ADAMTS2: variants seen among roughly 807,000 people sequenced by gnomAD.
ADAMTS2 encodes the protein ADAM metallopeptidase with thrombospondin type 1 motif 2, also known as A disintegrin and metalloproteinase with thrombospondin motifs 2.
ADAMTS2 carries 50 observed loss-of-function variants against 123.0 expected under a neutral mutation model. The ratio of observed to expected loss-of-function variants is 0.41; its 90% CI spans 0.32 to 0.51. The LOEUF is 0.51. Among genes scored for constraint, ADAMTS2 ranks in the 20% least tolerant of loss-of-function variants. The probability of loss-of-function intolerance (pLI) is 0.35; values close to 1 mark genes in which losing one functional copy is unlikely to be tolerated. For synonymous variants in ADAMTS2, 678 were observed against 695.4 expected (o/e 0.98, Z 0.39); for missense variants, 1,494 against 1,705.2 (o/e 0.88, Z 2.18).
chr5:179,128,162 T>C lies in ADAMTS2; in HGVS notation c.2458-44A>G, dbSNP rs1762894248. ...CTTGATGTGCCTGACCTGCCCTCCA[T>C]GCTTCCTCCCCAGCCAGCTTAGGAA... On this transcript the variant is annotated intron_variant, in intron 16 of 21. Transcript: ENST00000251582. This position sits in a 1 kb window ranked among gnomAD's most constrained non-coding sequence, Gnocchi z 4.9. 1 of 1,608,370 alleles carries C rather than the reference T, an allele frequency of 6.2e-7. No individual in the cohort carries two copies. The highest frequency in any genetic ancestry group is 1.3e-5 in the African/African-American group (1 of 74,996).
rs1290985047 is a variant in ADAMTS2 at position 179,114,324 on chromosome 5, TC to T, written c.3179-1del. On this transcript the variant is annotated splice_acceptor_variant, in intron 21 of 21. Transcript: ENST00000251582. LOFTEE classifies it high-confidence loss of function. ...TGACTTGTCGCCTTGGCAGTGGCCC[TC>T]TGAAAAAGAAAAGTGGGACAAATAA... The T allele has an allele frequency of 6.2e-7, 1 of 1,612,852 alleles. No homozygotes were observed. Among genetic ancestry groups the T allele is most frequent in the Non-Finnish European group, 8.5e-7 (1 of 1,179,660 alleles).
chr5:179,146,541 A>G (rs548970490), intron 10 of ADAMTS2, among the ~76,000 whole-genome samples: 2 of 152,344 alleles, frequency 1.3e-5, no homozygotes, highest in East Asian at 3.9e-4. Flanking sequence ...GATGTTGTCA[A>G]CATTTCATGG....
rs866196797 is a variant in ADAMTS2 at position 179,245,698 on chromosome 5, G to A, written c.688+27213C>T. Reference sequence around the variant, plus strand: ...GGAGAATGGCGTGAACCCGGGAGGCGGAGCTTGCAGTGAGCCGAGATCGCG... The same window carrying A: ...GGAGAATGGCGTGAACCCGGGAGGCAGAGCTTGCAGTGAGCCGAGATCGCG... On this transcript the variant is annotated intron_variant, in intron 3 of 21. Transcript: ENST00000251582. Among the ~76,000 whole-genome samples, 32 of 140,098 alleles carry A rather than the reference G, an allele frequency of 2.3e-4. 1 individual carries two copies. The highest frequency in any genetic ancestry group is 7.0e-4 in the African/African-American group (25 of 35,680). The allele number at this position is 140,098 out of a possible 152,430, so 91.9% of individuals were successfully genotyped here. A position where few individuals can be genotyped will look rare whatever the true frequency, so the allele number is the denominator to read the frequency against.
chr5:179,340,274 C>T (rs1208937385), intron 2 of ADAMTS2, among the ~76,000 whole-genome samples: 2 of 152,186 alleles, frequency 1.3e-5, no homozygotes, highest in Non-Finnish European at 2.9e-5. Context: ...CCCGTGCTGC[C>T]CTGAGTGGGG....
intron 15 of ADAMTS2, among the ~76,000 whole-genome samples, chr5:179,131,245 G>A (rs1007041453): frequency 1.3e-5 from 2 of 149,948 alleles, no homozygotes; most frequent in Non-Finnish European, 3.0e-5. Flanking sequence ...CCCAGAAGGC[G>A]GAGGTTGCAG....
chr5:179,223,309 TAC>T (rs1189976389), intron 3 of ADAMTS2, among the ~76,000 whole-genome samples: 1 of 124,994 alleles, frequency 8.0e-6, no homozygotes, highest in African/African-American at 3.1e-5. Context: ...CGCACTCACA[TAC>T]ACACATGCAC....
chr5:179,302,807 G>A (rs1182313388), intron 2 of ADAMTS2, among the ~76,000 whole-genome samples: 1 of 152,042 alleles, frequency 6.6e-6, no homozygotes, highest in Non-Finnish European at 1.5e-5. Flanking sequence ...GGAGAGATCT[G>A]GGGAAGTGGG....
chr5:179,125,934 A>G, intron 18 of ADAMTS2, 64 bp downstream of exon 18: 2 of 1,607,038 alleles, frequency 1.2e-6, no homozygotes, highest in Non-Finnish European at 1.7e-6. Flanking sequence ...ACCTCCAAGC[A>G]CGGGAGCCCC....
chr5:179,193,537 T>C (rs1355926339), intron 4 of ADAMTS2, among the ~76,000 whole-genome samples: 1 of 152,172 alleles, frequency 6.6e-6, no homozygotes, highest in Non-Finnish European at 1.5e-5. Context: ...GCATGGACGA[T>C]GGAGACACAG....
At chr5:179,311,069 T>C (rs1756819272) in intron 2 of ADAMTS2, among the ~76,000 whole-genome samples, 1 of 129,622 alleles carries the variant, frequency 7.7e-6, no homozygotes, top group African/African-American at 2.9e-5. Context: ...GCAGGGCCCG[T>C]TGACTCCTAT....
intron 2 of ADAMTS2, among the ~76,000 whole-genome samples, chr5:179,322,620 G>A (rs1438122329): frequency 6.6e-6 from 1 of 152,216 alleles, no homozygotes; most frequent in African/African-American, 2.4e-5. Flanking sequence ...CAGAGTCAGG[G>A]AAGCCTCTGG....
At chr5:179,328,539 G>A (rs746530826) in intron 2 of ADAMTS2, among the ~76,000 whole-genome samples, 3 of 152,240 alleles carry the variant, frequency 2.0e-5, no homozygotes, top group Non-Finnish European at 4.4e-5. Context: ...TGGGTATCAA[G>A]TGGTTCGTGG....
In ADAMTS2 at chr5:179,242,556, C is replaced by A. The variant is rs573011836; in HGVS notation, c.688+30355G>T. ...AAGTCTCTAGAAATTATCCTAAGAG[C>A]ACACAACAAACTAAGCAACATCATC... is the stretch of plus-strand genomic sequence containing the variant. On this transcript the variant is annotated intron_variant, in intron 3 of 21. Transcript: ENST00000251582. The surrounding 1 kb of genome is among the most constrained non-coding windows in gnomAD (Gnocchi z 4.2). 6.6e-6 allele frequency among the ~76,000 whole-genome samples: 1 copy of A among 152,148 alleles called. No individual in the cohort carries two copies. The highest frequency in any genetic ancestry group is 1.5e-5 in the Non-Finnish European group (1 of 68,028).
At chr5:179,326,763 G>T (rs368601644) in intron 2 of ADAMTS2, among the ~76,000 whole-genome samples, 1 of 152,120 alleles carries the variant, frequency 6.6e-6, no homozygotes, top group Non-Finnish European at 1.5e-5. Context: ...CAGGGAGGGA[G>T]GGAGCAGAAA....
At chr5:179,171,603 G>A (rs967636574) in intron 5 of ADAMTS2, among the ~76,000 whole-genome samples, 5 of 152,268 alleles carry the variant, frequency 3.3e-5, no homozygotes, top group South Asian at 2.1e-4. Context: ...GGAGATCCCC[G>A]GGATGGAGCG....
chr5:179,157,757 C>T (rs1401672157), intron 6 of ADAMTS2, among the ~76,000 whole-genome samples: 1 of 152,134 alleles, frequency 6.6e-6, no homozygotes, highest in Non-Finnish European at 1.5e-5. Flanking sequence ...TTGTCAAGAG[C>T]CTGATAAGAG....
At chr5:179,281,787 A>C (rs1441600445) in intron 2 of ADAMTS2, among the ~76,000 whole-genome samples, 1 of 152,146 alleles carries the variant, frequency 6.6e-6, no homozygotes, top group Non-Finnish European at 1.5e-5. Flanking sequence ...GTGAGGGTTC[A>C]ATTTCCCCTC....
intron 2 of ADAMTS2, among the ~76,000 whole-genome samples, chr5:179,339,206 C>T (rs924503718): frequency 6.6e-6 from 1 of 152,234 alleles, no homozygotes; most frequent in African/African-American, 2.4e-5. Context: ...GCTAGGCCCG[C>T]ATCACAGCCA....
rs1327987538 is a variant in ADAMTS2 at position 179,225,850 on chromosome 5, A to G, written c.689-18135T>C. Among the ~76,000 whole-genome samples the G allele has an allele frequency of 2.0e-5, 3 of 152,236 alleles. No homozygotes were observed. Among genetic ancestry groups the G allele is most frequent in the Non-Finnish European group, 4.4e-5 (3 of 68,044 alleles). ...TCTGATTCTTCCAGGACATCAAGGA[A>G]GAACCCGAGATACAGAAAGCCCTCT... On this transcript the variant is annotated intron_variant, in intron 3 of 21. Transcript: ENST00000251582. This position sits in a 1 kb window ranked among gnomAD's most constrained non-coding sequence, Gnocchi z 4.5.
Sources: gnomAD v4.1 joint callset for allele counts (sites outside exome capture counted in the v4.1 genomes callset) on GRCh38, gnomAD v4.1.1 for gene constraint, Gnocchi (gnomAD v3.1) non-coding constraint, MANE v1.5 for transcripts, NCBI Gene and HGNC (gene_info 2026-07-23, HGNC 2026-07-21) for gene names.